The following DCLK3 variants were observed in gnomAD, a reference collection of about 807,000 sequenced individuals.
DCLK3 encodes serine/threonine-protein kinase DCLK3.
In DCLK3, 30 loss-of-function variants were observed where a neutral mutation model predicts 46.4. The observed-to-expected ratio is 0.65, with a 90% CI of 0.48 to 0.88. DCLK3 has a LOEUF of 0.88. Ranked by LOEUF, DCLK3 falls within the 40% of genes least tolerant of loss-of-function variation. DCLK3 has a pLI of 0.00. For missense variants in DCLK3, 846 were observed against 907.1 expected, an observed-to-expected ratio of 0.93 and a Z score of 0.87; for synonymous variants, 401 against 339.2, an observed-to-expected ratio of 1.18 and a Z score of -2.00.
chr3:36,753,569 T>A (rs1701461860), intron 1 of DCLK3, among the ~76,000 whole-genome samples: 1 of 152,320 alleles, frequency 6.6e-6, no homozygotes, highest in African/African-American at 2.4e-5. Context: ...TTTTGCCTTG[T>A]AATGCAGACA....
chr3:36,751,373 C>G (rs1014147988), intron 1 of DCLK3, among the ~76,000 whole-genome samples: 2 of 152,152 alleles, frequency 1.3e-5, no homozygotes, highest in Non-Finnish European at 2.9e-5. Context: ...CCCACTAGCC[C>G]GTCCTCCCAG....
chr3:36,738,828 G>T lies in DCLK3; in HGVS notation c.339C>A (p.Leu113=). 1 of 839,966 alleles carries T rather than the reference G, an allele frequency of 1.2e-6. No individual in the cohort carries two copies. Among genetic ancestry groups the T allele is most frequent in the Non-Finnish European group, 1.6e-6 (1 of 612,274 alleles). The allele number at this position is 839,966 out of a possible 1,614,324, so 52.0% of individuals were successfully genotyped here. A position where few individuals can be genotyped will look rare whatever the true frequency, so the allele number is the denominator to read the frequency against. The change falls in exon 2 of 5, where the codon CTC becomes CTA. Residue 113 remains leucine, a synonymous_variant. Transcript: ENST00000636136. Reference sequence around the variant, plus strand: ...ACGTCTGCACTGATCGCCTGTTGAGGAGCAGAGTGATCTTTCGGGGGCGCT... The same window carrying T: ...ACGTCTGCACTGATCGCCTGTTGAGTAGCAGAGTGATCTTTCGGGGGCGCT... The part of the protein sequence containing the change: ...GGQRPRKITL[L]LNRRSVQTFE...
chr3:36,728,658 C>T (rs568600610), intron 2 of DCLK3, among the ~76,000 whole-genome samples: 16 of 152,298 alleles, frequency 1.1e-4, no homozygotes, highest in African/African-American at 2.9e-4. Flanking sequence ...GGCTGAGCCA[C>T]GCTACTGGTA....
intron 1 of DCLK3, among the ~76,000 whole-genome samples, chr3:36,760,932 G>A (rs1701533778): frequency 6.6e-6 from 1 of 152,250 alleles, no homozygotes; most frequent in Non-Finnish European, 1.5e-5. Flanking sequence ...GAGGCTCAGA[G>A]TAGTTGGGTA....
chr3:36,762,173 A>T (rs1019681939), intron 1 of DCLK3, among the ~76,000 whole-genome samples: 2 of 152,200 alleles, frequency 1.3e-5, no homozygotes, highest in Admixed American at 6.5e-5. Flanking sequence ...TTGCCTGGGC[A>T]TGGGGATCCA....
intron 3 of DCLK3, among the ~76,000 whole-genome samples, chr3:36,718,887 G>T (rs906477): frequency 0.87 from 132,451 of 152,222 alleles, 57,658 homozygotes; most frequent in Middle Eastern, 0.9. Flanking sequence ...TAAATAAAAT[G>T]TTTATTTACT....
In DCLK3 at chr3:36,721,638, A is replaced by T. The variant is rs367902125; in HGVS notation, c.1981T>A (p.Ser661Thr). 1.2e-6 allele frequency: 2 copies of T among 1,614,060 alleles called. No individual in the cohort carries two copies. Among genetic ancestry groups the T allele is most frequent in the Middle Eastern group, 1.6e-4 (1 of 6,084 alleles). The change falls in exon 3 of 5, where the codon TCT becomes ACT. Residue 661 changes from serine to threonine, a missense_variant. Around this residue, in one of 3 missense-constraint regions of DCLK3, gnomAD observed 247 missense variants for 322.8 expected, o/e 0.77. Transcript: ENST00000636136. Reference sequence around the variant, plus strand: ...AAATCAGCCAATTTCAAGGTAGTAGATTTGTCCTCATTTCGCTGAACCTGT... The same window carrying T: ...AAATCAGCCAATTTCAAGGTAGTAGTTTTGTCCTCATTTCGCTGAACCTGT... ...NLLVQRNEDK[S>T]TTLKLADFGL...
intron 1 of DCLK3, among the ~76,000 whole-genome samples, chr3:36,759,331 C>T (rs1433316715): frequency 6.6e-6 from 1 of 152,182 alleles, no homozygotes; most frequent in African/African-American, 2.4e-5. Context: ...TGGACAAAAG[C>T]AACATTGCAT....
chr3:36,718,901 C>A (rs1559386125), intron 3 of DCLK3, among the ~76,000 whole-genome samples: 1 of 152,026 alleles, frequency 6.6e-6, no homozygotes, highest in Non-Finnish European at 1.5e-5. Context: ...ATTTACTTTT[C>A]TAAATAAAAA....
chr3:36,747,276 A>G (rs1701401578), intron 1 of DCLK3, among the ~76,000 whole-genome samples: 1 of 152,074 alleles, frequency 6.6e-6, no homozygotes, highest in South Asian at 2.1e-4. Flanking sequence ...CAGGAGAAAA[A>G]TGTTTCTTTC....
intron 1 of DCLK3, among the ~76,000 whole-genome samples, chr3:36,743,881 T>A (rs964101461): frequency 1.1e-4 from 16 of 152,128 alleles, no homozygotes; most frequent in African/African-American, 3.9e-4. Context: ...CACCATCTTG[T>A]AAAGCCTAAG....
chr3:36,735,899 A>G (rs1161575998), intron 2 of DCLK3, among the ~76,000 whole-genome samples: 2 of 152,242 alleles, frequency 1.3e-5, no homozygotes, highest in African/African-American at 2.4e-5. Flanking sequence ...TGGGAGCACA[A>G]TCTGAATGAA....
intron 2 of DCLK3, among the ~76,000 whole-genome samples, chr3:36,733,748 T>A (rs886863230): frequency 5.3e-5 from 8 of 152,230 alleles, no homozygotes; most frequent in Admixed American, 1.3e-4. Context: ...AAGAGCACCA[T>A]CATCTTATCA....
chr3:36,757,271 G>A (rs913573377), intron 1 of DCLK3, among the ~76,000 whole-genome samples: 1 of 152,002 alleles, frequency 6.6e-6, no homozygotes, highest in African/African-American at 2.4e-5. Flanking sequence ...TACTTCTTAT[G>A]TAATTACCTA....
rs3034440 is a variant in DCLK3 at position 36,721,280 on chromosome 3, A to AACAC, written c.2092+243_2092+246dup. On this transcript the variant is annotated intron_variant, in intron 3 of 4. Transcript: ENST00000636136. Reference sequence around the variant, plus strand: ...CTCACTGTCCTGCCTAAACACAATAAACACACACACACACACACACACATG... The same window carrying AACAC: ...CTCACTGTCCTGCCTAAACACAATAAACACACACACACACACACACACACACATG... 2.3e-3 allele frequency among the ~76,000 whole-genome samples: 346 copies of AACAC among 150,264 alleles called. 4 individuals carry two copies. Among genetic ancestry groups the AACAC allele is most frequent in the East Asian group, 0.015 (77 of 5,048 alleles).
rs1277024768 is a variant in DCLK3, at chr3:36,737,596, T to C, written c.1571A>G (p.His524Arg). ...MGIIAANVEK[H>R]YETGRVIGDG... is the part of the protein sequence containing the mutation. ...CCCAATGACCCGGCCAGTCTCATAA[T>C]GCTTTTCCACATTGGCGGCAATGAT... The change falls in exon 2 of 5, where the codon CAT becomes CGT. Residue 524 changes from histidine to arginine, a missense_variant. His to Arg is a conservative substitution (Grantham distance 29). Coordinates refer to ENST00000636136, the MANE Select transcript of DCLK3 (RefSeq NM_001394672.2). The surrounding 1 kb of genome is among the most constrained non-coding windows in gnomAD (Gnocchi z 4.4). 8.1e-6 allele frequency: 13 copies of C among 1,614,090 alleles called. No individual in the cohort carries two copies. Among genetic ancestry groups the C allele is most frequent in the Non-Finnish European group, 1.1e-5 (13 of 1,180,058 alleles).
chr3:36,751,062 C>CAAAA (rs1701436399), intron 1 of DCLK3, among the ~76,000 whole-genome samples: 1 of 13,610 alleles, frequency 7.3e-5, no homozygotes, highest in Admixed American at 1.2e-3. Flanking sequence ...ACGGGATGAT[C>CAAAA]TAAAAAAAAA....
chr3:36,760,818 C>T lies in DCLK3; in HGVS notation c.82+3364G>A, dbSNP rs145344891. 4.2e-3 allele frequency among the ~76,000 whole-genome samples: 646 copies of T among 152,276 alleles called. 10 individuals are homozygous for T. Among genetic ancestry groups the T allele is most frequent in the Non-Finnish European group, 3.5e-3 (240 of 68,020 alleles). On this transcript the variant is annotated intron_variant, in intron 1 of 4. Transcript: ENST00000636136. The stretch of plus-strand genomic sequence containing the variant: ...CAGAATCCATTCAGCTAAAAGGTAA[C>T]TTTAATAACAATACTTTTCATTTGT...
Position 36,737,262 on chromosome 3 carries a change from G to T in DCLK3, c.1905C>A (p.Val635=). Residue 635 remains valine (V), a synonymous_variant, in exon 2 of 5, where the codon GTC becomes GTA. Transcript: ENST00000636136. This position sits in a 1 kb window ranked among gnomAD's most constrained non-coding sequence, Gnocchi z 4.4. ...LMIMDLCKAL[V]HMHDKSIVHR... ...GGACAATGCTCTTGTCGTGCATGTG[G>T]ACGAGGGCTTTGCATAAGTCCATGA... The T allele has an allele frequency of 6.2e-7, 1 of 1,614,212 alleles. No individual in the cohort carries two copies. Among genetic ancestry groups the T allele is most frequent in the Non-Finnish European group, 8.5e-7 (1 of 1,180,044 alleles).
Sources: allele counts gnomAD v4.1 joint callset (sites outside exome capture counted in the v4.1 genomes callset), GRCh38; gene constraint gnomAD v4.1.1; regional missense constraint gnomAD v4.1.1; non-coding constraint Gnocchi (gnomAD v3.1); transcripts MANE v1.5; gene names NCBI Gene and HGNC (gene_info 2026-07-23, HGNC 2026-07-21).